Variants in ACKR3 observed in about 807,000 individuals in gnomAD.
ACKR3 encodes the protein C-X-C chemokine receptor type 7.
A neutral mutation model predicts 22.4 loss-of-function variants in ACKR3; 6 were observed. The ratio of observed to expected loss-of-function variants is 0.27; its 90% CI spans 0.15 to 0.53. ACKR3 has a LOEUF of 0.53. Among genes scored for constraint, ACKR3 ranks in the 20% least tolerant of loss-of-function variants. The probability of loss-of-function intolerance (pLI) is 0.96; values close to 1 mark genes in which losing one functional copy is unlikely to be tolerated. For missense variants in ACKR3, 396 were observed against 475.2 expected (o/e 0.83, Z 1.55); for synonymous variants, 209 against 205.2 (o/e 1.02, Z -0.16).
In ACKR3 at chr2:236,580,714, C is replaced by T; in HGVS notation, c.249C>T (p.Ile83=). Residue 83 remains isoleucine, a synonymous_variant, in exon 2 of 2, where the codon ATC becomes ATT. Transcript: ENST00000272928. ...KTTGYDTHCY[I]LNLAIADLWV... is the part of the protein sequence containing the mutation. ...CAGGCTATGACACGCACTGCTACATCTTGAACCTGGCCATTGCCGACCTGT... is the reference window on the plus strand; with the variant it reads ...CAGGCTATGACACGCACTGCTACATTTTGAACCTGGCCATTGCCGACCTGT... 6 of 1,614,214 alleles carry T rather than the reference C, an allele frequency of 3.7e-6. No homozygotes were observed. The highest frequency in any genetic ancestry group is 5.1e-6 in the Non-Finnish European group (6 of 1,180,046).
intron 1 of ACKR3, among the ~76,000 whole-genome samples, chr2:236,570,838 C>G (rs575760257): frequency 7.1e-6 from 1 of 140,696 alleles, no homozygotes; most frequent in South Asian, 2.2e-4. Flanking sequence ...CTCTCTTTCT[C>G]TCTTCCTCTT....
the ACKR3 span, among the ~76,000 whole-genome samples, chr2:236,538,793 T>C: frequency 6.6e-5 from 10 of 152,236 alleles, no homozygotes; most frequent in African/African-American, 2.2e-4. Flanking sequence ...TGCAGGTAGA[T>C]GTCATGCATA....
chr2:236,554,641 A>C, the ACKR3 span, among the ~76,000 whole-genome samples: 2 of 152,140 alleles, frequency 1.3e-5, no homozygotes, highest in Admixed American at 6.5e-5. Flanking sequence ...GAAGTGTCTC[A>C]TTAGAGGCAC....
At chr2:236,547,838 A>ATT in the ACKR3 span, among the ~76,000 whole-genome samples, 1,503 of 139,752 alleles carry the variant, frequency 0.011, 15 homozygotes, top group African/African-American at 0.027. Context: ...TCTTTCATTC[A>ATT]TTTTTTTTTT....
the ACKR3 span, among the ~76,000 whole-genome samples, chr2:236,547,924 T>C: frequency 7.3e-6 from 1 of 137,014 alleles, no homozygotes; most frequent in African/African-American, 3.5e-5. Context: ...AATCTGAGGA[T>C]TTGTGTCTTT....
chr2:236,576,247 T>C (rs56702442), intron 1 of ACKR3, among the ~76,000 whole-genome samples: 1,699 of 152,314 alleles, frequency 0.011, 30 homozygotes, highest in African/African-American at 0.037. Flanking sequence ...CCTTCCCAAC[T>C]TCCCAGCGTA....
At chr2:236,539,931 T>G in the ACKR3 span, among the ~76,000 whole-genome samples, 1 of 152,126 alleles carries the variant, frequency 6.6e-6, no homozygotes, top group Non-Finnish European at 1.5e-5. Context: ...CTCATGAGAT[T>G]TATTCACTAC....
At chr2:236,545,504 A>G in the ACKR3 span, among the ~76,000 whole-genome samples, 1 of 152,244 alleles carries the variant, frequency 6.6e-6, no homozygotes, top group African/African-American at 2.4e-5. The surrounding 1 kb of genome is among the most constrained non-coding windows in gnomAD (Gnocchi z 5.3). Context: ...TGGGAGCCAG[A>G]GTGCCACAGG....
chr2:236,550,863 T>C, the ACKR3 span, among the ~76,000 whole-genome samples: 1 of 152,246 alleles, frequency 6.6e-6, no homozygotes, highest in Non-Finnish European at 1.5e-5. This position sits in a 1 kb window ranked among gnomAD's most constrained non-coding sequence, Gnocchi z 4.6. Flanking sequence ...TTCCGTGTCA[T>C]GTGCATTCAC....
At chr2:236,573,011 C>T (rs1691339655) in intron 1 of ACKR3, among the ~76,000 whole-genome samples, 1 of 152,238 alleles carries the variant, frequency 6.6e-6, no homozygotes, top group Non-Finnish European at 1.5e-5. Context: ...GTAGTCAAGA[C>T]TGTTTTCCAT....
the ACKR3 span, among the ~76,000 whole-genome samples, chr2:236,553,177 G>A: frequency 6.7e-6 from 1 of 149,732 alleles, no homozygotes; most frequent in African/African-American, 2.5e-5. Context: ...GGGTGGGAGA[G>A]CAGGTGATAT....
intron 1 of ACKR3, among the ~76,000 whole-genome samples, 187 bp from the exon 2 acceptor site, chr2:236,580,253 T>A (rs1691490673): frequency 6.6e-6 from 1 of 152,232 alleles, no homozygotes; most frequent in Admixed American, 6.5e-5. Flanking sequence ...AGAGTATGAT[T>A]TATTTTGTTT....
At chr2:236,545,584 G>A in the ACKR3 span, among the ~76,000 whole-genome samples, 4 of 152,298 alleles carry the variant, frequency 2.6e-5, no homozygotes, top group South Asian at 2.1e-4. The surrounding 1 kb of genome is among the most constrained non-coding windows in gnomAD (Gnocchi z 5.3). Flanking sequence ...TTAGGGCTCC[G>A]GGGAAGAATG....
the ACKR3 span, among the ~76,000 whole-genome samples, chr2:236,541,090 C>T: frequency 6.6e-6 from 1 of 152,138 alleles, no homozygotes; most frequent in Admixed American, 6.5e-5. Flanking sequence ...TATAAAAAAG[C>T]ATTGACTGGC....
the ACKR3 span, among the ~76,000 whole-genome samples, chr2:236,542,465 G>A: frequency 5.9e-5 from 9 of 152,102 alleles, no homozygotes; most frequent in South Asian, 8.3e-4. Context: ...TTTAGGGACC[G>A]ACATCTCCCT....
chr2:236,571,547 C>T (rs1691308736), intron 1 of ACKR3, among the ~76,000 whole-genome samples: 1 of 142,196 alleles, frequency 7.0e-6, no homozygotes, highest in Non-Finnish European at 1.5e-5. Flanking sequence ...AACAGCAAGT[C>T]GTTGAAGCGT....
chr2:236,553,748 G>A, the ACKR3 span, among the ~76,000 whole-genome samples: 7 of 152,388 alleles, frequency 4.6e-5, no homozygotes, highest in South Asian at 1.2e-3. Context: ...TGCGAACTGC[G>A]AGTGCTGGGC....
the ACKR3 span, among the ~76,000 whole-genome samples, chr2:236,541,875 G>A: frequency 6.6e-6 from 1 of 152,140 alleles, no homozygotes. Context: ...CGTAAGATGT[G>A]ACTTTGCTCC....
At chr2:236,552,427 T>A in the ACKR3 span, among the ~76,000 whole-genome samples, 1 of 152,340 alleles carries the variant, frequency 6.6e-6, no homozygotes, top group South Asian at 2.1e-4. Context: ...CCCCATCACC[T>A]GAAGAAAGTC....
Sources: gnomAD v4.1 joint callset for allele counts (sites outside exome capture counted in the v4.1 genomes callset) on GRCh38, gnomAD v4.1.1 for gene constraint, Gnocchi (gnomAD v3.1) non-coding constraint, MANE v1.5 for transcripts, NCBI Gene and HGNC (gene_info 2026-07-23, HGNC 2026-07-21) for gene names.